Variants in PUM2 observed in about 807,000 individuals in gnomAD.
PUM2 encodes pumilio homolog 2.
PUM2 carries 57 observed loss-of-function variants against 124.5 expected under a neutral mutation model. The observed-to-expected ratio is 0.46, with a 90% CI of 0.37 to 0.57. The LOEUF is 0.57. Among genes scored for constraint, PUM2 ranks in the 20% least tolerant of loss-of-function variants. The probability of loss-of-function intolerance (pLI) is 0.00; values close to 1 mark genes in which losing one functional copy is unlikely to be tolerated. For missense variants in PUM2, 1,065 were observed against 1,290.6 expected (o/e 0.83, Z 2.68); for synonymous variants, 460 against 446.1 (o/e 1.03, Z -0.39).
chr2:20,350,614 GCTGCCTC>G lies in PUM2; in HGVS notation c.-43_-37del, dbSNP rs1272328911. ...TGACTTACAGGGCTGCTGCGGCCGC[GCTGCCTC>G]AGCCGGGGACACCGACCGTTGGGCA... On this transcript the variant is annotated 5_prime_UTR_variant, in exon 1 of 21. Transcript: ENST00000361078. The G allele has an allele frequency of 6.1e-6, 6 of 985,380 alleles. No individual in the cohort carries two copies. The Admixed American group carries it at 3.1e-4, about 50-fold the overall frequency. The allele number at this position is 985,380 out of a possible 1,614,324, so 61.0% of individuals were successfully genotyped here.
rs150278077 is a variant in PUM2, at chr2:20,303,580, A to C, written c.883+4398T>G. Among the ~76,000 whole-genome samples the C allele has an allele frequency of 3.7e-3, 559 of 152,270 alleles. 6 individuals carry two copies. The highest frequency in any genetic ancestry group is 0.013 in the African/African-American group (545 of 41,548). ...AGAAAAATCACGTCTCCATTTATTC[A>C]AGACTTCTGGAAAAGTTTACAGTTT... On this transcript the variant is annotated intron_variant, in intron 7 of 20. Transcript: ENST00000361078.
intron 1 of PUM2, among the ~76,000 whole-genome samples, chr2:20,340,544 C>T (rs1206240989): frequency 6.6e-6 from 1 of 152,236 alleles, no homozygotes; most frequent in African/African-American, 2.4e-5. Flanking sequence ...CAACACACAT[C>T]AGAGTCCAGG....
At chr2:20,313,033 C>T (rs1000099109) in intron 3 of PUM2, among the ~76,000 whole-genome samples, 1 of 152,190 alleles carries the variant, frequency 6.6e-6, no homozygotes, top group African/African-American at 2.4e-5. Context: ...GAAACTGGAT[C>T]CCTTCCTTAT....
intron 2 of PUM2, among the ~76,000 whole-genome samples, chr2:20,323,359 AAT>A (rs1399582544): frequency 6.6e-6 from 1 of 151,838 alleles, no homozygotes; most frequent in Non-Finnish European, 1.5e-5. Flanking sequence ...GAGGCAGGAG[AAT>A]AACTCGAACC....
chr2:20,324,424 A>G (rs1220113520), intron 2 of PUM2, among the ~76,000 whole-genome samples: 1 of 152,220 alleles, frequency 6.6e-6, no homozygotes, highest in African/African-American at 2.4e-5. Context: ...AATAAAAGAT[A>G]TTAATTCAGT....
chr2:20,264,371 T>TAC (rs1667139079), intron 13 of PUM2, among the ~76,000 whole-genome samples: 2 of 52,028 alleles, frequency 3.8e-5, no homozygotes, highest in African/African-American at 1.6e-4. Context: ...AAAAAAAATA[T>TAC]ATATATATAT....
At chr2:20,301,159 G>A (rs1676882053) in intron 7 of PUM2, among the ~76,000 whole-genome samples, 1 of 152,106 alleles carries the variant, frequency 6.6e-6, no homozygotes, top group Non-Finnish European at 1.5e-5. Flanking sequence ...CAACCACCTT[G>A]GGCACATGTT....
chr2:20,343,482 G>GT (rs939393957), intron 1 of PUM2, among the ~76,000 whole-genome samples: 12 of 152,110 alleles, frequency 7.9e-5, no homozygotes, highest in Admixed American at 5.2e-4. Flanking sequence ...AAATAAACTA[G>GT]TAAGTTTAAA....
At chr2:20,303,259 G>GTCC (rs1164738450) in intron 7 of PUM2, among the ~76,000 whole-genome samples, 1 of 152,142 alleles carries the variant, frequency 6.6e-6, no homozygotes, top group Non-Finnish European at 1.5e-5. Context: ...GGTTGAGCAA[G>GTCC]TCCTCCTCCT....
intron 1 of PUM2, among the ~76,000 whole-genome samples, chr2:20,335,207 G>T (rs1311041498): frequency 6.6e-6 from 1 of 152,206 alleles, no homozygotes; most frequent in Non-Finnish European, 1.5e-5. Flanking sequence ...TTAAAGGTGT[G>T]AGCCACTGCA....
chr2:20,273,196 C>G (rs1239616455), intron 13 of PUM2, among the ~76,000 whole-genome samples: 1 of 152,118 alleles, frequency 6.6e-6, no homozygotes, highest in Non-Finnish European at 1.5e-5. Flanking sequence ...TTCAGTGGGA[C>G]GAAACTATTT....
intron 8 of PUM2, among the ~76,000 whole-genome samples, chr2:20,296,854 C>T (rs1226600869): frequency 6.6e-6 from 1 of 152,188 alleles, no homozygotes; most frequent in African/African-American, 2.4e-5. Flanking sequence ...CAGCACACAA[C>T]TTTTCCTTAC....
intron 1 of PUM2, among the ~76,000 whole-genome samples, chr2:20,339,604 G>C (rs911184357): frequency 1.3e-5 from 2 of 152,174 alleles, no homozygotes; most frequent in African/African-American, 4.8e-5. Flanking sequence ...AGCAGGCCAG[G>C]CATGGTGGCT....
At chr2:20,332,582 T>A (rs569483043) in intron 1 of PUM2, among the ~76,000 whole-genome samples, 1 of 152,088 alleles carries the variant, frequency 6.6e-6, no homozygotes, top group Non-Finnish European at 1.5e-5. Context: ...TAAACTATAA[T>A]AAAGTTGAAG....
intron 3 of PUM2, among the ~76,000 whole-genome samples, chr2:20,314,686 T>C (rs919808502): frequency 6.6e-6 from 1 of 152,200 alleles, no homozygotes; most frequent in Non-Finnish European, 1.5e-5. Flanking sequence ...AATCAAAACA[T>C]TTCCATTTCA....
chr2:20,272,701 C>T (rs1669322934), intron 13 of PUM2, among the ~76,000 whole-genome samples: 2 of 152,124 alleles, frequency 1.3e-5, no homozygotes, highest in Non-Finnish European at 2.9e-5. Context: ...CTTTTTAAAA[C>T]CTAATTTTAT....
chr2:20,320,578 TA>T (rs555291382), intron 2 of PUM2, among the ~76,000 whole-genome samples: 7 of 148,158 alleles, frequency 4.7e-5, no homozygotes, highest in Middle Eastern at 3.2e-3. Context: ...ATGTTTTAAT[TA>T]AAAAAAAAAC....
intron 13 of PUM2, among the ~76,000 whole-genome samples, chr2:20,271,873 T>A (rs1036562574): frequency 6.6e-6 from 1 of 152,132 alleles, no homozygotes; most frequent in South Asian, 2.1e-4. Flanking sequence ...AATAAAAGCA[T>A]CCTGACCAGG....
At chr2:20,343,119 TAA>T (rs1312727655) in intron 1 of PUM2, among the ~76,000 whole-genome samples, 1 of 145,772 alleles carries the variant, frequency 6.9e-6, no homozygotes, top group Non-Finnish European at 1.5e-5. Flanking sequence ...TATATATTTT[TAA>T]AAGAGTCTGT....
Sources: gnomAD v4.1 joint callset for allele counts (sites outside exome capture counted in the v4.1 genomes callset) on GRCh38, gnomAD v4.1.1 for gene constraint, MANE v1.5 for transcripts, NCBI Gene and HGNC (gene_info 2026-07-23, HGNC 2026-07-21) for gene names.